CSMD3: variants seen among roughly 807,000 people sequenced by gnomAD.
The protein encoded by CSMD3 is CUB and Sushi multiple domains 3.
In CSMD3, 177 loss-of-function variants were observed where a neutral mutation model predicts 435.2. That is an observed-to-expected ratio of 0.41 (90% CI 0.36 to 0.46). The LOEUF (loss-of-function observed/expected upper bound fraction) is 0.46. CSMD3 is among the 20% of genes least tolerant of loss of function. The probability of loss-of-function intolerance (pLI) is 0.34; values close to 1 mark genes in which losing one functional copy is unlikely to be tolerated. For synonymous variants in CSMD3, 1,656 were observed against 1,520.5 expected (o/e 1.09, Z -2.07); for missense variants, 4,265 against 4,504.6 (o/e 0.95, Z 1.52).
At chr8:113,334,503 A>G (rs1356820131) in intron 1 of CSMD3, among the ~76,000 whole-genome samples, 2 of 151,856 alleles carry the variant, frequency 1.3e-5, no homozygotes, top group Non-Finnish European at 2.9e-5. Flanking sequence ...TTAGGGATTT[A>G]TACTCTCTAG....
At chr8:113,021,520 G>GT (rs1311428249) in intron 5 of CSMD3, among the ~76,000 whole-genome samples, 1 of 152,138 alleles carries the variant, frequency 6.6e-6, no homozygotes, top group East Asian at 1.9e-4. Flanking sequence ...AATGCATGGA[G>GT]GTGTGTAATA....
At chr8:112,774,204 G>C (rs888500717) in intron 13 of CSMD3, among the ~76,000 whole-genome samples, 1 of 151,948 alleles carries the variant, frequency 6.6e-6, no homozygotes, top group Non-Finnish European at 1.5e-5. Context: ...ACCTTGAAAT[G>C]ATGCCTTATA....
chr8:113,122,212 A>G (rs982526843), intron 4 of CSMD3, among the ~76,000 whole-genome samples: 2 of 152,074 alleles, frequency 1.3e-5, no homozygotes, highest in African/African-American at 4.8e-5. Context: ...ACTGTTGGAT[A>G]TTTTACTTTT....
chr8:112,508,973 A>AC, intron 28 of CSMD3, among the ~76,000 whole-genome samples: 1 of 152,352 alleles, frequency 6.6e-6, no homozygotes, highest in South Asian at 2.1e-4. Flanking sequence ...GAAAAGTGCC[A>AC]AAGTATTCAA....
rs2074743284 is a variant in CSMD3 at position 112,639,047 on chromosome 8, T to C, written c.3311-136A>G. 1.2e-5 allele frequency: 8 copies of C among 644,368 alleles called. 1 individual carries two copies. The East Asian group carries it at 2.2e-4, about 18-fold the overall frequency. 39.9% of individuals were successfully genotyped at this position (644,368 alleles called of 1,614,324 possible). A position where few individuals can be genotyped will look rare whatever the true frequency, so the allele number is the denominator to read the frequency against. On this transcript the variant is annotated intron_variant, in intron 20 of 70. Coordinates refer to ENST00000297405, the MANE Select transcript of CSMD3 (RefSeq NM_198123.2). ...AATGAGAGGCATTGCTATAAAATAT[T>C]CCAAATATATGTTATATTATTCTTT... is the stretch of plus-strand genomic sequence containing the variant.
chr8:113,364,561 A>G (rs941470302), intron 1 of CSMD3, among the ~76,000 whole-genome samples: 4 of 152,154 alleles, frequency 2.6e-5, no homozygotes, highest in Non-Finnish European at 5.9e-5. Flanking sequence ...AGGATTAAAA[A>G]GAAAATAAAA....
intron 10 of CSMD3, among the ~76,000 whole-genome samples, chr8:112,887,413 G>A (rs536559475): frequency 6.6e-6 from 1 of 151,086 alleles, no homozygotes; most frequent in African/African-American, 2.4e-5. Flanking sequence ...ATTAGTCATT[G>A]CAGCTCTTTT....
At chr8:113,061,905 T>G (rs1003475963) in intron 5 of CSMD3, among the ~76,000 whole-genome samples, 2 of 151,894 alleles carry the variant, frequency 1.3e-5, no homozygotes, top group African/African-American at 4.8e-5. Context: ...CATCTAATAA[T>G]TGTAATTATT....
chr8:112,363,088 T>G (rs1481420406), intron 38 of CSMD3, among the ~76,000 whole-genome samples: 1 of 151,984 alleles, frequency 6.6e-6, no homozygotes, highest in Non-Finnish European at 1.5e-5. Flanking sequence ...ACCTTTTGTG[T>G]GCATCCTGGC....
At chr8:113,090,344 G>A (rs907422412) in intron 5 of CSMD3, among the ~76,000 whole-genome samples, 3 of 151,830 alleles carry the variant, frequency 2.0e-5, no homozygotes, top group Non-Finnish European at 4.4e-5. Context: ...TCAGAAAATT[G>A]TCTTATTAAG....
intron 13 of CSMD3, among the ~76,000 whole-genome samples, chr8:112,785,871 TA>T (rs1371009010): frequency 2.0e-5 from 3 of 152,096 alleles, no homozygotes; most frequent in Non-Finnish European, 2.9e-5. Flanking sequence ...TCTGCAGATT[TA>T]ATGCAATCCC....
intron 1 of CSMD3, chr8:113,376,821 G>C (rs568037801): frequency 6.2e-7 from 1 of 1,613,724 alleles, no homozygotes; most frequent in South Asian, 1.1e-5. Context: ...TGAAGAGGTT[G>C]TTTATGAGTC....
intron 59 of CSMD3, among the ~76,000 whole-genome samples, chr8:112,272,151 A>G (rs908361882): frequency 4.6e-5 from 7 of 152,190 alleles, no homozygotes; most frequent in Non-Finnish European, 7.4e-5. Flanking sequence ...TGGACTTCTC[A>G]GCCTCCAGAA....
intron 5 of CSMD3, among the ~76,000 whole-genome samples, chr8:113,094,515 C>T (rs1270071521): frequency 6.6e-6 from 1 of 152,110 alleles, no homozygotes; most frequent in Non-Finnish European, 1.5e-5. Context: ...ATTAACTCTG[C>T]CAATAAACAA....
intron 41 of CSMD3, among the ~76,000 whole-genome samples, chr8:112,345,429 G>T (rs1304529040): frequency 6.6e-6 from 1 of 152,036 alleles, no homozygotes; most frequent in Non-Finnish European, 1.5e-5. Context: ...AGGGAATTCT[G>T]TCATATACAA....
chr8:113,170,048 A>G (rs534937435), intron 4 of CSMD3, among the ~76,000 whole-genome samples: 1 of 152,152 alleles, frequency 6.6e-6, no homozygotes, highest in Non-Finnish European at 1.5e-5. Context: ...TACCATTGTT[A>G]GGAAGCATCA....
rs760261275 is a variant in CSMD3, at chr8:112,976,079, G to T, written c.1100C>A (p.Ala367Asp). Residue 367 changes from alanine to aspartate, a missense_variant, in exon 7 of 71, where the codon GCT (alanine) becomes GAT (aspartate). Physicochemically the swap from Ala to Asp is moderately radical, Grantham distance 126. Coordinates refer to ENST00000297405, the MANE Select transcript of CSMD3 (RefSeq NM_198123.2). The stretch of plus-strand genomic sequence containing the variant: ...TGCAGGTGTGCTAGCAACAGCAATA[G>T]CACCAGTGGTAGTCCTGTTATGCTC... ...LEEHNRTTTG[A>D]IAVASTPADV... 6.2e-7 allele frequency: 1 copy of T among 1,614,028 alleles called. No homozygotes were observed. Among genetic ancestry groups the T allele is most frequent in the Non-Finnish European group, 8.5e-7 (1 of 1,179,936 alleles).
chr8:113,046,177 C>T, intron 5 of CSMD3, among the ~76,000 whole-genome samples: 1 of 149,062 alleles, frequency 6.7e-6, no homozygotes, highest in Middle Eastern at 3.4e-3. Context: ...TGCTGGGATA[C>T]GACTGTCTCA....
At chr8:113,194,723 T>C (rs2092630984) in intron 3 of CSMD3, among the ~76,000 whole-genome samples, 1 of 151,224 alleles carries the variant, frequency 6.6e-6, no homozygotes, top group Admixed American at 6.6e-5. Flanking sequence ...AGTAAAGTTT[T>C]TTAAATTTTT....
Sources: gnomAD v4.1 joint callset for allele counts (sites outside exome capture counted in the v4.1 genomes callset) on GRCh38, gnomAD v4.1.1 for gene constraint, MANE v1.5 for transcripts, NCBI Gene and HGNC (gene_info 2026-07-23, HGNC 2026-07-21) for gene names.